The following BMP1 variants were observed in gnomAD, a reference collection of about 807,000 sequenced individuals.
The protein encoded by BMP1 is bone morphogenetic protein 1, also known as mammalian tolloid protein.
A neutral mutation model predicts 116.8 loss-of-function variants in BMP1; 63 were observed. That is an observed-to-expected ratio of 0.54 (90% CI 0.44 to 0.67). The LOEUF (loss-of-function observed/expected upper bound fraction) is 0.67. Ranked by LOEUF, BMP1 falls within the 30% of genes least tolerant of loss-of-function variation. BMP1 has a pLI of 0.00. For synonymous variants in BMP1, 536 were observed against 533.4 expected, an observed-to-expected ratio of 1.00 and a Z score of -0.07; for missense variants, 1,183 against 1,358.9, an observed-to-expected ratio of 0.87 and a Z score of 2.04.
At chr8:22,201,524 T>A (rs1209496792) in intron 15 of BMP1, 1 of 1,409,252 alleles carries the variant, frequency 7.1e-7, no homozygotes, top group East Asian at 2.7e-5. Flanking sequence ...TGTCCATCTG[T>A]CCAGTAAGCA....
At position 22,166,206 on chromosome 8, in the gene BMP1, G is replaced by A. The variant is rs897179828; in HGVS notation, c.148+653G>A. Among the ~76,000 whole-genome samples, 4 of 152,172 alleles carry A rather than the reference G, an allele frequency of 2.6e-5. No homozygotes were observed. The East Asian group carries it at 7.7e-4, about 29-fold the overall frequency. ...AAAGTCAGAGAAGCCAACCCAGAAGGGGGACTTAACTTTGTCCCTATGTGC... is the reference window on the plus strand; with the variant it reads ...AAAGTCAGAGAAGCCAACCCAGAAGAGGGACTTAACTTTGTCCCTATGTGC... On this transcript the variant is annotated intron_variant, in intron 1 of 19. Coordinates refer to ENST00000306385, the MANE Select transcript of BMP1 (RefSeq NM_006129.5).
chr8:22,204,323 G>A (rs946601701), intron 16 of BMP1, among the ~76,000 whole-genome samples: 1 of 152,188 alleles, frequency 6.6e-6, no homozygotes, highest in Non-Finnish European at 1.5e-5. Flanking sequence ...CCCTCGTGCT[G>A]TATCTTGCCC....
intron 16 of BMP1, among the ~76,000 whole-genome samples, chr8:22,206,471 C>T (rs1204218061): frequency 6.7e-6 from 1 of 150,140 alleles, no homozygotes; most frequent in Non-Finnish European, 1.5e-5. Context: ...CACTGCACTC[C>T]AGCCTGGGCA....
chr8:22,185,614 G>T (rs1369413140), intron 8 of BMP1, among the ~76,000 whole-genome samples: 1 of 150,456 alleles, frequency 6.6e-6, no homozygotes, highest in Non-Finnish European at 1.5e-5. Context: ...TGTTCTTCAA[G>T]GTCCAACCCA....
intron 16 of BMP1, among the ~76,000 whole-genome samples, chr8:22,202,367 TA>T (rs1446021124): frequency 6.6e-6 from 1 of 152,048 alleles, no homozygotes; most frequent in Non-Finnish European, 1.5e-5. Flanking sequence ...TGCTCCTGGG[TA>T]AAATGTAGAT....
At chr8:22,190,546 C>T (rs946815135) in intron 8 of BMP1, among the ~76,000 whole-genome samples, 2 of 152,142 alleles carry the variant, frequency 1.3e-5, no homozygotes, top group Non-Finnish European at 2.9e-5. Flanking sequence ...CCGGCCTGCA[C>T]GGCGTGACGT....
chr8:22,206,418 C>A (rs918589791), intron 16 of BMP1, among the ~76,000 whole-genome samples: 7 of 151,674 alleles, frequency 4.6e-5, no homozygotes, highest in African/African-American at 1.7e-4. Flanking sequence ...AGGAGAATCA[C>A]TTAAACCTGG....
At position 22,194,666 on chromosome 8, in the gene BMP1, C is replaced by G. The variant is rs1465716718; in HGVS notation, c.1444-58C>G. On this transcript the variant is annotated intron_variant, in intron 11 of 19. Coordinates refer to ENST00000306385, the MANE Select transcript of BMP1 (RefSeq NM_006129.5). This position sits in a 1 kb window ranked among gnomAD's most constrained non-coding sequence, Gnocchi z 4.5. ...GGGACAGCTGCCTCTCTTTGGGCTC[C>G]CAGGGGTGGGTCTCTGGCAGCCAGA... The G allele has an allele frequency of 2.3e-5, 36 of 1,596,714 alleles. No individual in the cohort carries two copies. The highest frequency in any genetic ancestry group is 3.1e-5 in the Non-Finnish European group (36 of 1,169,672).
At chr8:22,205,563 C>T (rs1474847732) in intron 16 of BMP1, among the ~76,000 whole-genome samples, 1 of 152,020 alleles carries the variant, frequency 6.6e-6, no homozygotes, top group Admixed American at 6.5e-5. Context: ...TCGCTTGAAT[C>T]CAGGAGTTTG....
At chr8:22,185,778 C>G (rs552714028) in intron 8 of BMP1, among the ~76,000 whole-genome samples, 23 of 151,672 alleles carry the variant, frequency 1.5e-4, no homozygotes, top group African/African-American at 5.3e-4. Context: ...CCTGCTATCG[C>G]CCCTGGCTAA....
chr8:22,195,396 A>G, intron 12 of BMP1, 66 bp from the exon 13 acceptor site: 1 of 1,544,376 alleles, frequency 6.5e-7, no homozygotes, highest in Non-Finnish European at 8.7e-7. Context: ...TGGACAAGTG[A>G]GGCTCACAGC....
At chr8:22,173,777 A>T (rs1828352040) in intron 2 of BMP1, 62 bp downstream of exon 2, 1 of 1,384,068 alleles carries the variant, frequency 7.2e-7, no homozygotes, top group Admixed American at 2.1e-5. Flanking sequence ...TAGGGAAACA[A>T]GGAATCTCCC....
chr8:22,171,270 G>T (rs1184796504), intron 1 of BMP1: 2 of 152,192 alleles, frequency 1.3e-5, no homozygotes, highest in Non-Finnish European at 2.9e-5. Flanking sequence ...CTAAAGTCAG[G>T]GAGGTGGGCT....
intron 8 of BMP1, among the ~76,000 whole-genome samples, chr8:22,188,459 C>T (rs1008629244): frequency 4.6e-5 from 7 of 152,302 alleles, no homozygotes; most frequent in East Asian, 3.9e-4. Flanking sequence ...CATAAGCCAC[C>T]GCACCCGGCC....
chr8:22,211,684 T>C lies in BMP1; in HGVS notation c.2917T>C (p.Tyr973His). 6.2e-7 allele frequency: 1 copy of C among 1,614,130 alleles called. No homozygotes were observed. The highest frequency in any genetic ancestry group is 8.5e-7 in the Non-Finnish European group (1 of 1,180,016). The change falls in exon 20 of 20, where the codon TAC becomes CAC. Residue 973 changes from tyrosine (Y) to histidine (H), a missense_variant. Physicochemically the swap from Tyr to His is moderately conservative, Grantham distance 83. Around this residue, in one of 4 missense-constraint regions of BMP1, gnomAD observed 956 missense variants for 1,135.2 expected, o/e 0.84. Transcript: ENST00000306385. Reference sequence around the variant, plus strand: ...CACCAAAAAAGGTTTCCACCTGCGATACACCAGCACCAAGTTCCAGGACAC... The same window carrying C: ...CACCAAAAAAGGTTTCCACCTGCGACACACCAGCACCAAGTTCCAGGACAC... ...TITKKGFHLR[Y>H]TSTKFQDTLH...
Position 22,194,564 on chromosome 8 carries a change from G to A in BMP1, c.1417G>A (p.Val473Met), listed in dbSNP as rs373883675. ...GATCCAGGTGTCTGAGGGCTTCCAC[G>A]TGGGCCTCACATTCCAGTCCTTTGA... ...WRIQVSEGFH[V>M]GLTFQSFEIE... Residue 473 changes from valine to methionine, a missense_variant, in exon 11 of 20, where the codon GTG becomes ATG. Physicochemically the swap from Val to Met is conservative, Grantham distance 21 (BLOSUM62 1). Coordinates refer to ENST00000306385, the MANE Select transcript of BMP1 (RefSeq NM_006129.5). The surrounding 1 kb of genome is among the most constrained non-coding windows in gnomAD (Gnocchi z 4.5). 2.7e-5 allele frequency: 43 copies of A among 1,614,062 alleles called. No individual in the cohort carries two copies. The highest frequency in any genetic ancestry group is 3.2e-5 in the Non-Finnish European group (38 of 1,180,030).
In BMP1 at chr8:22,179,407, G is replaced by A. The variant is rs557113839; in HGVS notation, c.837-298G>A. 6.6e-6 allele frequency among the ~76,000 whole-genome samples: 1 copy of A among 152,278 alleles called. No homozygotes were observed. The highest frequency in any genetic ancestry group is 2.1e-4 in the South Asian group (1 of 4,822). The stretch of plus-strand genomic sequence containing the variant: ...AGCTTTCCTGGGGCTGGGAGTTGTG[G>A]CCAGCCTGAGCTGGGAGCACCAGTG... On this transcript the variant is annotated intron_variant, in intron 6 of 19. Transcript: ENST00000306385. The surrounding 1 kb of genome is among the most constrained non-coding windows in gnomAD (Gnocchi z 4.6).
chr8:22,182,601 C>G (rs73549594), intron 8 of BMP1, among the ~76,000 whole-genome samples: 163 of 152,306 alleles, frequency 1.1e-3, no homozygotes, highest in African/African-American at 3.0e-3. Context: ...GACAAAACCC[C>G]TTTTAAAAGG....
chr8:22,201,291 C>G, intron 15 of BMP1: 1 of 1,526,872 alleles, frequency 6.5e-7, no homozygotes, highest in South Asian at 1.3e-5. Context: ...ACCAACCCCC[C>G]ACCTCCACTC....
Sources: gnomAD v4.1 joint callset for allele counts (sites outside exome capture counted in the v4.1 genomes callset) on GRCh38, gnomAD v4.1.1 for gene constraint, gnomAD v4.1.1 regional missense constraint, Gnocchi (gnomAD v3.1) non-coding constraint, MANE v1.5 for transcripts, NCBI Gene and HGNC (gene_info 2026-07-23, HGNC 2026-07-21) for gene names.